Variants in SCARA5 observed in about 807,000 individuals in gnomAD.
The protein encoded by SCARA5 is scavenger receptor class A, member 5 (putative).
Under a neutral mutation model 46.3 loss-of-function variants are expected in SCARA5, and 45 were observed. The ratio of observed to expected loss-of-function variants is 0.97; its 90% CI spans 0.76 to 1.24. The LOEUF is 1.24. SCARA5 is among the 50% of genes most tolerant of loss of function. The pLI, the probability that SCARA5 is intolerant of heterozygous loss-of-function variation, is 0.00. For missense variants in SCARA5, 680 were observed against 689.0 expected (o/e 0.99, Z 0.15); for synonymous variants, 333 against 306.5 (o/e 1.09, Z -0.90).
intron 3 of SCARA5, among the ~76,000 whole-genome samples, chr8:27,945,284 C>T (rs758772638): frequency 2.6e-5 from 4 of 152,088 alleles, no homozygotes; most frequent in Non-Finnish European, 4.4e-5. Flanking sequence ...ATCACGATAG[C>T]TTTTGGTGGC....
intron 7 of SCARA5, among the ~76,000 whole-genome samples, chr8:27,881,721 G>C (rs1806815830): frequency 6.6e-6 from 1 of 152,072 alleles, no homozygotes; most frequent in Non-Finnish European, 1.5e-5. Context: ...CTTTTTTAAA[G>C]AGCAGTTTTA....
At chr8:27,901,386 A>G (rs1215551635) in intron 7 of SCARA5, among the ~76,000 whole-genome samples, 1 of 152,048 alleles carries the variant, frequency 6.6e-6, no homozygotes, top group Non-Finnish European at 1.5e-5. Context: ...TGGCTTGTGG[A>G]GGAGGGTAGC....
At chr8:27,879,200 A>G (rs1260297635) in intron 8 of SCARA5, among the ~76,000 whole-genome samples, 2 of 152,358 alleles carry the variant, frequency 1.3e-5, no homozygotes, top group African/African-American at 4.8e-5. Context: ...TGAGTATCAT[A>G]TAAGTGTTAA....
intron 7 of SCARA5, among the ~76,000 whole-genome samples, chr8:27,889,586 C>A (rs1302732084): frequency 2.6e-5 from 4 of 152,216 alleles, no homozygotes; most frequent in African/African-American, 9.6e-5. Flanking sequence ...TTCAGAAGAT[C>A]CCTGAGCATG....
chr8:27,923,056 C>A (rs1002528131), intron 3 of SCARA5, among the ~76,000 whole-genome samples: 1 of 152,230 alleles, frequency 6.6e-6, no homozygotes, highest in African/African-American at 2.4e-5. Flanking sequence ...GCAGCCTGAA[C>A]AGACTAAGAC....
chr8:27,920,056 T>C (rs543345458), intron 4 of SCARA5, among the ~76,000 whole-genome samples: 12 of 151,490 alleles, frequency 7.9e-5, no homozygotes, highest in African/African-American at 2.9e-4. Flanking sequence ...CAGGAAGGAA[T>C]TGGGGGAGGG....
rs571419559 is a variant in SCARA5, at chr8:27,958,502, G to A, written c.241+7912C>T. 1.4e-4 allele frequency among the ~76,000 whole-genome samples: 21 copies of A among 152,358 alleles called. No individual in the cohort carries two copies. The South Asian group carries it at 3.9e-3, about 29-fold the overall frequency. On this transcript the variant is annotated intron_variant, in intron 3 of 8. Transcript: ENST00000354914. Reference sequence around the variant, plus strand: ...TCCCAGGATACAAGGGGTGAAATGCGTGCACGGGCTGGCAAGCCCTGGGTC... The same window carrying A: ...TCCCAGGATACAAGGGGTGAAATGCATGCACGGGCTGGCAAGCCCTGGGTC...
At chr8:27,991,220 G>A (rs1808781768) in intron 1 of SCARA5, among the ~76,000 whole-genome samples, 2 of 152,200 alleles carry the variant, frequency 1.3e-5, no homozygotes, top group Admixed American at 6.5e-5. Context: ...GGTAGCTGCT[G>A]GTCACCCAGG....
At position 27,966,485 on chromosome 8, in the gene SCARA5, G is replaced by A. The variant is rs376123551; in HGVS notation, c.170C>T (p.Ala57Val). Residue 57 changes from alanine (A) to valine (V), a missense_variant, in exon 3 of 9, where the codon GCC (alanine) becomes GTC (valine). This residue lies in a region of SCARA5 where 438 missense variants were observed against 384.5 expected (regional missense o/e 1.14). Transcript: ENST00000354914. ...ICCTQLGSLS[A>V]LKHAVLGLYL... The stretch of plus-strand genomic sequence containing the variant: ...GAGCCCCAGGACAGCATGCTTCAGG[G>A]CCGACAGGGACCCCAGCTGGGTACA... The A allele has an allele frequency of 3.1e-6, 5 of 1,613,882 alleles. No individual in the cohort carries two copies. The highest frequency in any genetic ancestry group is 2.2e-5 in the South Asian group (2 of 91,054).
At position 27,982,362 on chromosome 8, in the gene SCARA5, C is replaced by T. The variant is rs558750072; in HGVS notation, c.112+5142G>A. On this transcript the variant is annotated intron_variant, in intron 2 of 8. Transcript: ENST00000354914. ...CGGCTGCATATCGGGGAAACCAAGG[C>T]GGGAGAAAGGAAGGTGGGGGTGGGG... Among the ~76,000 whole-genome samples, 118 of 81,506 alleles carry T rather than the reference C, an allele frequency of 1.4e-3. No individual in the cohort carries two copies. In the Middle Eastern group the frequency reaches 0.023, roughly 16 times the overall value. 53.5% of individuals were successfully genotyped at this position (81,506 alleles called of 152,430 possible). A position where few individuals can be genotyped will look rare whatever the true frequency, so the allele number is the denominator to read the frequency against.
chr8:27,991,271 C>T (rs1270794861), intron 1 of SCARA5, among the ~76,000 whole-genome samples: 1 of 152,192 alleles, frequency 6.6e-6, no homozygotes, highest in Non-Finnish European at 1.5e-5. Context: ...TGTGGCATGA[C>T]TTTATGAACA....
At chr8:27,940,303 C>T (rs950376183) in intron 3 of SCARA5, among the ~76,000 whole-genome samples, 1 of 152,124 alleles carries the variant, frequency 6.6e-6, no homozygotes, top group Non-Finnish European at 1.5e-5. Flanking sequence ...ATTGGGTTTC[C>T]TCTCTCAGAA....
At chr8:27,914,594 G>A (rs1431202092) in intron 4 of SCARA5, among the ~76,000 whole-genome samples, 2 of 152,260 alleles carry the variant, frequency 1.3e-5, no homozygotes, top group Non-Finnish European at 2.9e-5. Flanking sequence ...ACGTGTAGTA[G>A]CAGAAGTGCC....
chr8:27,921,965 C>G lies in SCARA5; in HGVS notation c.522G>C (p.Thr174=). 2 of 1,540,952 alleles carry G rather than the reference C, an allele frequency of 1.3e-6. No individual in the cohort carries two copies. Among genetic ancestry groups the G allele is most frequent in the East Asian group, 2.4e-5 (1 of 41,882 alleles). Residue 174 remains threonine, a synonymous_variant, in exon 4 of 9, where the codon ACG becomes ACC. Transcript: ENST00000354914. ...GCTGCGCCGTGTCGCTCTGCTGGCC[C>G]GTGCGGTCCCGCAGCAGGGCCACCG... The part of the protein sequence containing the change: ...EQAVALLRDR[T]GQQSDTAQLE...
At chr8:27,977,713 C>T (rs950637657) in intron 2 of SCARA5, among the ~76,000 whole-genome samples, 1 of 152,238 alleles carries the variant, frequency 6.6e-6, no homozygotes, top group Non-Finnish European at 1.5e-5. Flanking sequence ...ACCTGCTCCT[C>T]CCCTCCCGGG....
intron 6 of SCARA5, among the ~76,000 whole-genome samples, chr8:27,905,531 GGAAAAAAAA>G (rs1807242308): frequency 8.8e-6 from 1 of 113,802 alleles, no homozygotes; most frequent in Non-Finnish European, 2.0e-5. Flanking sequence ...TTTGGGGGGG[GGAAAAAAAA>G]AAGGCAGCCA....
At chr8:27,941,800 C>CATCATTATTATT (rs1554573666) in intron 3 of SCARA5, among the ~76,000 whole-genome samples, 111 of 135,298 alleles carry the variant, frequency 8.2e-4, no homozygotes, top group East Asian at 1.5e-3. Context: ...TTTACATCAT[C>CATCATTATTATT]ATTATTATTA....
intron 4 of SCARA5, among the ~76,000 whole-genome samples, chr8:27,913,351 G>A (rs1807409784): frequency 6.6e-6 from 1 of 152,172 alleles, no homozygotes; most frequent in Non-Finnish European, 1.5e-5. Context: ...GGGCCGAGCT[G>A]CCAGGGGCTC....
At chr8:27,979,443 CA>C (rs1437748886) in intron 2 of SCARA5, among the ~76,000 whole-genome samples, 1 of 152,122 alleles carries the variant, frequency 6.6e-6, no homozygotes, top group Non-Finnish European at 1.5e-5. Flanking sequence ...ACGGGTTTCC[CA>C]TTTCTTAGAG....
Sources: gnomAD v4.1 joint callset for allele counts (sites outside exome capture counted in the v4.1 genomes callset) on GRCh38, gnomAD v4.1.1 for gene constraint, gnomAD v4.1.1 regional missense constraint, MANE v1.5 for transcripts, NCBI Gene and HGNC (gene_info 2026-07-23, HGNC 2026-07-21) for gene names.